The following GMPPA variants were observed in gnomAD, a reference collection of about 807,000 sequenced individuals.
GMPPA encodes GDP-mannose pyrophosphorylase A, also known as mannose-1-phosphate guanylyltransferase regulatory subunit alpha.
A neutral mutation model predicts 58.6 loss-of-function variants in GMPPA; 46 were observed. That is an observed-to-expected ratio of 0.78 (90% CI 0.62 to 1.00). The LOEUF (loss-of-function observed/expected upper bound fraction) is 1.00, where lower values mean the gene tolerates loss of function less well. Among genes scored for constraint, GMPPA ranks in the 50% least tolerant of loss-of-function variants. The probability of loss-of-function intolerance (pLI) is 0.00; values close to 1 mark genes in which losing one functional copy is unlikely to be tolerated. For synonymous variants in GMPPA, 211 were observed against 214.9 expected (o/e 0.98, Z 0.16); for missense variants, 468 against 556.4 (o/e 0.84, Z 1.60).
chr2:219,506,454 A>T, intron 12 of GMPPA, 32 bp downstream of exon 12: 2 of 1,591,296 alleles, frequency 1.3e-6, no homozygotes, highest in African/African-American at 1.3e-5. Context: ...GGCTGGGGGA[A>T]CCCCTCAGCT....
At chr2:219,505,887 A>G (rs1694569867) in intron 10 of GMPPA, 93 bp from the exon 11 acceptor site, 1 of 1,136,188 alleles carries the variant, frequency 8.8e-7, no homozygotes, top group Non-Finnish European at 1.3e-6. Flanking sequence ...GTCCTCGAGC[A>G]GGTCACTTAT....
intron 11 of GMPPA, 87 bp from the exon 12 acceptor site, chr2:219,506,167 G>C: frequency 1.4e-5 from 21 of 1,479,596 alleles, no homozygotes; most frequent in Non-Finnish European, 1.9e-5. Flanking sequence ...TGAACGCCGT[G>C]GGCTCTGCAT....
At chr2:219,500,752 A>G (rs1694360532) in intron 3 of GMPPA, 1 of 158,224 alleles carries the variant, frequency 6.3e-6, no homozygotes, top group Non-Finnish European at 1.4e-5. Flanking sequence ...TGCCTAGTAC[A>G]ACGCAGACCC....
chr2:219,506,032 G>A lies in GMPPA; in HGVS notation c.953G>A (p.Arg318Gln), dbSNP rs149492263. Residue 318 changes from arginine (R) to glutamine (Q), a missense_variant, in exon 11 of 13, where the codon CGG (arginine) becomes CAG (glutamine). By Grantham distance (43) the Arg-to-Gln change is conservative (BLOSUM62 1). Coordinates refer to ENST00000313597, the MANE Select transcript of GMPPA (RefSeq NM_013335.4). ...GGGGTGACCGTGGGTGAGGGTGTGC[G>A]GCTCCGGGAGAGCATCGTCCTCCAT... ...GKGVTVGEGVRLRESIVLHGA... is the reference protein window; with the variant it reads ...GKGVTVGEGVQLRESIVLHGA... 6 of 1,595,184 alleles carry A rather than the reference G, an allele frequency of 3.8e-6. No individual in the cohort carries two copies. The highest frequency in any genetic ancestry group is 1.3e-5 in the African/African-American group (1 of 74,486).
chr2:219,500,900 G>C (rs1221395101), intron 3 of GMPPA: 1 of 155,428 alleles, frequency 6.4e-6, no homozygotes, highest in African/African-American at 2.4e-5. Context: ...GTGAGTCCCA[G>C]TTCAGGTTGG....
Position 219,506,057 on chromosome 2 carries a change from T to C in GMPPA, c.978T>C (p.His326=). 3 of 1,587,086 alleles carry C rather than the reference T, an allele frequency of 1.9e-6. No homozygotes were observed. Among genetic ancestry groups the C allele is most frequent in the Non-Finnish European group, 2.6e-6 (3 of 1,162,008 alleles). The change falls in exon 11 of 13, where the codon CAT becomes CAC. Residue 326 remains histidine, a synonymous_variant. Coordinates refer to ENST00000313597, the MANE Select transcript of GMPPA (RefSeq NM_013335.4). The stretch of plus-strand genomic sequence containing the variant: ...GGCTCCGGGAGAGCATCGTCCTCCA[T>C]GGAGCCACTTTGCAGGTAGGTACCA... ...GVRLRESIVL[H]GATLQEHTCV...
chr2:219,506,000 C>T lies in GMPPA; in HGVS notation c.921C>T (p.Ile307=), dbSNP rs145170112. ...CACAGCTGGGCCCCAACGTCTCCATCGGGAAGGGGGTGACCGTGGGTGAGG... is the reference window on the plus strand; with the variant it reads ...CACAGCTGGGCCCCAACGTCTCCATTGGGAAGGGGGTGACCGTGGGTGAGG... The part of the protein sequence containing the change: ...PSAVLGPNVS[I]GKGVTVGEGV... The change falls in exon 11 of 13, where the codon ATC becomes ATT. Residue 307 remains isoleucine (I), a synonymous_variant. Transcript: ENST00000313597. 4.2e-4 allele frequency: 664 copies of T among 1,589,138 alleles called. No homozygotes were observed. The highest frequency in any genetic ancestry group is 5.4e-4 in the Non-Finnish European group (628 of 1,165,474).
In GMPPA at chr2:219,504,064, C is replaced by T; in HGVS notation, c.490-19C>T. On this transcript the variant is annotated intron_variant, in intron 6 of 12. Coordinates refer to ENST00000313597, the MANE Select transcript of GMPPA (RefSeq NM_013335.4). ...CGGTAGTCCCTTCTTCTACTGAACCCAGCCTGCTCTGTCCTCAGGTATTGC... is the reference window on the plus strand; with the variant it reads ...CGGTAGTCCCTTCTTCTACTGAACCTAGCCTGCTCTGTCCTCAGGTATTGC... 1 of 1,613,928 alleles carries T rather than the reference C, an allele frequency of 6.2e-7. No homozygotes were observed.
chr2:219,506,480 C>T lies in GMPPA; in HGVS notation c.1162+58C>T, dbSNP rs962583061. The T allele has an allele frequency of 1.8e-5, 27 of 1,519,328 alleles. No homozygotes were observed. The East Asian group carries it at 2.0e-4, about 11-fold the overall frequency. 94.1% of individuals were successfully genotyped at this position (1,519,328 alleles called of 1,614,324 possible). A position where few individuals can be genotyped will look rare whatever the true frequency, so the allele number is the denominator to read the frequency against. On this transcript the variant is annotated intron_variant, in intron 12 of 12. Transcript: ENST00000313597. ...CCCCTCAGCTGATGGCCAGTGGCCCCGGGGAGCATTCGTTCCTCTGTGTGC... is the reference window on the plus strand; with the variant it reads ...CCCCTCAGCTGATGGCCAGTGGCCCTGGGGAGCATTCGTTCCTCTGTGTGC...
In GMPPA at chr2:219,500,188, G is replaced by C. The variant is rs745438072; in HGVS notation, c.108G>C (p.Met36Ile). Residue 36 changes from methionine (M) to isoleucine (I), a missense_variant, in exon 3 of 13, where the codon ATG becomes ATC. By Grantham distance (10) the Met-to-Ile change is conservative. Coordinates refer to ENST00000313597, the MANE Select transcript of GMPPA (RefSeq NM_013335.4). ...KPLFPVAGVP[M>I]IQHHIEACAQ... ...TGTTTCCTGTGGCAGGGGTCCCTAT[G>C]ATCCAACACCATATTGAAGCCTGTG... The C allele has an allele frequency of 1.7e-4, 265 of 1,582,108 alleles. No homozygotes were observed. The highest frequency in any genetic ancestry group is 2.2e-4 in the Non-Finnish European group (258 of 1,161,310).
chr2:219,500,332 A>G (rs779804727), intron 3 of GMPPA, 114 bp downstream of exon 3: 144 of 703,058 alleles, frequency 2.0e-4, no homozygotes, highest in Admixed American at 4.0e-4. Context: ...ACCATCATTC[A>G]CAGATGACAA....
intron 7 of GMPPA, chr2:219,504,937 T>C: frequency 9.8e-7 from 1 of 1,020,058 alleles, no homozygotes; most frequent in Non-Finnish European, 1.3e-6. Context: ...AAGGGCTGAA[T>C]GGGGATGAGA....
intron 4 of GMPPA, 101 bp from the exon 5 acceptor site, chr2:219,501,750 C>A: frequency 9.6e-7 from 1 of 1,043,214 alleles, no homozygotes; most frequent in Non-Finnish European, 1.5e-6. Context: ...GGGCCTTGGG[C>A]AGGAGTAGTC....
At position 219,502,481 on chromosome 2, in the gene GMPPA, GTCA is replaced by G; in HGVS notation, c.489+46_489+48del. 1 of 1,513,752 alleles carries G rather than the reference GTCA, an allele frequency of 6.6e-7. No individual in the cohort carries two copies. Among genetic ancestry groups the G allele is most frequent in the Non-Finnish European group, 9.2e-7 (1 of 1,089,632 alleles). The allele number at this position is 1,513,752 out of a possible 1,614,324, so 93.8% of individuals were successfully genotyped here. ...GGGGCTGGGTGGGTGCCTACTCTGT[GTCA>G]TCATCCCCTCTACCTCAGGCCTCTA... On this transcript the variant is annotated intron_variant, in intron 6 of 12. Coordinates refer to ENST00000313597, the MANE Select transcript of GMPPA (RefSeq NM_013335.4). This position sits in a 1 kb window ranked among gnomAD's most constrained non-coding sequence, Gnocchi z 4.0.
rs150386940 is a variant in GMPPA at position 219,502,393 on chromosome 2, G to A, written c.441G>A (p.Thr147=). The change falls in exon 6 of 13, where the codon ACG becomes ACA. Residue 147 remains threonine (T), a synonymous_variant. Transcript: ENST00000313597. This position sits in a 1 kb window ranked among gnomAD's most constrained non-coding sequence, Gnocchi z 4.0. ...FLLLGTTANR[T]QSLNYGCIVE... The stretch of plus-strand genomic sequence containing the variant: ...TGTCTGTCTTTCAGGCTAACAGGAC[G>A]CAATCCCTCAACTACGGCTGCATCG... 8.9e-3 allele frequency: 14,311 copies of A among 1,613,690 alleles called. 86 individuals carry two copies. Among genetic ancestry groups the A allele is most frequent in the Non-Finnish European group, 9.8e-3 (11,558 of 1,179,676 alleles).
rs1332683336 is a variant in GMPPA, at chr2:219,502,774, G to A, written c.489+333G>A. Among the ~76,000 whole-genome samples, 1 of 152,078 alleles carries A rather than the reference G, an allele frequency of 6.6e-6. No individual in the cohort carries two copies. Among genetic ancestry groups the A allele is most frequent in the Non-Finnish European group, 1.5e-5 (1 of 67,990 alleles). ...TGAGCAGAGTCCCATTTGTCTAGAT[G>A]ACAAAGGAGACAGGAAGGTACTACA... On this transcript the variant is annotated intron_variant, in intron 6 of 12. Coordinates refer to ENST00000313597, the MANE Select transcript of GMPPA (RefSeq NM_013335.4). The surrounding 1 kb of genome is among the most constrained non-coding windows in gnomAD (Gnocchi z 4.0).
At position 219,504,227 on chromosome 2, in the gene GMPPA, C is replaced by G; in HGVS notation, c.620+14C>G. The G allele has an allele frequency of 6.2e-7, 1 of 1,613,174 alleles. No homozygotes were observed. Among genetic ancestry groups the G allele is most frequent in the Non-Finnish European group, 8.5e-7 (1 of 1,179,354 alleles). On this transcript the variant is annotated intron_variant, in intron 7 of 12. Transcript: ENST00000313597. Reference sequence around the variant, plus strand: ...GGATGGGCAATTGTGAGGCAGGCCCCATAGCCCTGTGACCCCAAGTACCCC... The same window carrying G: ...GGATGGGCAATTGTGAGGCAGGCCCGATAGCCCTGTGACCCCAAGTACCCC...
intron 1 of GMPPA, chr2:219,499,691 G>T (rs541100630): frequency 7.3e-6 from 4 of 547,618 alleles, no homozygotes; most frequent in Admixed American, 6.6e-5. Context: ...TCCAGGCAGG[G>T]ACTATATTGA....
At chr2:219,499,894 T>C (rs1694327891) in intron 1 of GMPPA, 62 bp from the exon 2 acceptor site, 1 of 1,272,326 alleles carries the variant, frequency 7.9e-7, no homozygotes, top group Non-Finnish European at 1.2e-6. Context: ...TGTTGCTATT[T>C]GGGTTTTGGG....
Sources: gnomAD v4.1 joint callset for allele counts (sites outside exome capture counted in the v4.1 genomes callset) on GRCh38, gnomAD v4.1.1 for gene constraint, Gnocchi (gnomAD v3.1) non-coding constraint, MANE v1.5 for transcripts, NCBI Gene and HGNC (gene_info 2026-07-23, HGNC 2026-07-21) for gene names.